Variants in VIT observed in about 807,000 individuals in gnomAD.
VIT encodes the protein vitrin.
Under a neutral mutation model 78.0 loss-of-function variants are expected in VIT, and 99 were observed. The observed-to-expected ratio is 1.27, with a 90% CI of 1.08 to 1.50. The LOEUF (loss-of-function observed/expected upper bound fraction) is 1.50, where lower values mean the gene tolerates loss of function less well. Ranked by LOEUF, VIT falls within the 40% of genes most tolerant of loss-of-function variation. The pLI is 0.00. For missense variants in VIT, 1,126 were observed against 875.3 expected, an observed-to-expected ratio of 1.29 and a Z score of -3.61; for synonymous variants, 374 against 334.3, an observed-to-expected ratio of 1.12 and a Z score of -1.29.
At chr2:36,721,427 CT>C (rs1666503387) in intron 2 of VIT, among the ~76,000 whole-genome samples, 2 of 152,102 alleles carry the variant, frequency 1.3e-5, no homozygotes, top group African/African-American at 4.8e-5. Flanking sequence ...GGGCCATTTG[CT>C]TAAGTCCCCC....
intron 6 of VIT, among the ~76,000 whole-genome samples, chr2:36,761,526 G>A (rs1021408870): frequency 6.6e-6 from 1 of 152,092 alleles, no homozygotes; most frequent in Non-Finnish European, 1.5e-5. Flanking sequence ...GGATCGCGAG[G>A]TCAGGAGATG....
intron 1 of VIT, among the ~76,000 whole-genome samples, chr2:36,704,701 T>C (rs1010651741): frequency 7.9e-5 from 12 of 152,122 alleles, no homozygotes; most frequent in African/African-American, 2.4e-4. Context: ...CACCCTCCGT[T>C]TTACCCAGGT....
intron 6 of VIT, 160 bp downstream of exon 6, chr2:36,759,206 G>C (rs957444918): frequency 4.5e-6 from 7 of 1,563,206 alleles, no homozygotes; most frequent in Non-Finnish European, 6.1e-6. Context: ...AAATCAATGA[G>C]ATCAGATGGC....
intron 6 of VIT, among the ~76,000 whole-genome samples, chr2:36,761,186 G>C (rs539933297): frequency 6.6e-6 from 1 of 152,306 alleles, no homozygotes; most frequent in South Asian, 2.1e-4. Flanking sequence ...TGCCCTCCTG[G>C]CAGGTCCCCA....
At chr2:36,806,925 A>C (rs1038181443) in intron 14 of VIT, among the ~76,000 whole-genome samples, 1 of 151,954 alleles carries the variant, frequency 6.6e-6, no homozygotes, top group Non-Finnish European at 1.5e-5. Context: ...TCTCCACCTG[A>C]TGTTCTACCA....
At chr2:36,810,336 C>G (rs1667066444) in intron 15 of VIT, among the ~76,000 whole-genome samples, 1 of 152,146 alleles carries the variant, frequency 6.6e-6, no homozygotes, top group Non-Finnish European at 1.5e-5. Flanking sequence ...ATAAAAATTT[C>G]TAAGAGGGCA....
intron 6 of VIT, among the ~76,000 whole-genome samples, chr2:36,764,882 AG>A (rs1237924928): frequency 3.9e-5 from 6 of 152,082 alleles, no homozygotes; most frequent in South Asian, 2.1e-4. Context: ...ACAATGTCAA[AG>A]GGGAAGGTGG....
intron 7 of VIT, among the ~76,000 whole-genome samples, chr2:36,773,146 T>C (rs1572513900): frequency 6.6e-6 from 1 of 152,232 alleles, no homozygotes; most frequent in Non-Finnish European, 1.5e-5. Flanking sequence ...AAGTGACACT[T>C]CTACTGAAGG....
intron 11 of VIT, among the ~76,000 whole-genome samples, chr2:36,786,735 G>A (rs1199138289): frequency 6.6e-6 from 1 of 152,182 alleles, no homozygotes; most frequent in Admixed American, 6.5e-5. Context: ...TTTCTAAAAA[G>A]TTAGGATGAG....
chr2:36,708,619 G>A (rs1665602727), intron 1 of VIT, among the ~76,000 whole-genome samples: 1 of 152,168 alleles, frequency 6.6e-6, no homozygotes, highest in Non-Finnish European at 1.5e-5. Context: ...CTGACAGTCT[G>A]ATTCCTCTCC....
chr2:36,792,110 G>A (rs1665543386), intron 12 of VIT, among the ~76,000 whole-genome samples: 1 of 152,282 alleles, frequency 6.6e-6, no homozygotes, highest in East Asian at 1.9e-4. Flanking sequence ...CCTGGGTCCT[G>A]CCTCAGACCT....
intron 15 of VIT, among the ~76,000 whole-genome samples, chr2:36,812,892 G>A (rs1238070927): frequency 3.8e-5 from 5 of 132,662 alleles, no homozygotes; most frequent in Middle Eastern, 3.6e-3. Context: ...ATGGAGTCTC[G>A]CTCTGTCACC....
At chr2:36,727,136 C>T (rs990889990) in intron 2 of VIT, among the ~76,000 whole-genome samples, 4 of 152,050 alleles carry the variant, frequency 2.6e-5, no homozygotes, top group Admixed American at 6.5e-5. Flanking sequence ...GCCAGGGAAC[C>T]CGGAGGGAAT....
chr2:36,743,517 T>A (rs1244201277), intron 4 of VIT, among the ~76,000 whole-genome samples: 1 of 152,242 alleles, frequency 6.6e-6, no homozygotes, highest in East Asian at 1.9e-4. Context: ...GTATTCATTT[T>A]TTATCTTTGC....
At chr2:36,701,102 C>CT (rs1286148709) in intron 1 of VIT, among the ~76,000 whole-genome samples, 4 of 47,714 alleles carry the variant, frequency 8.4e-5, no homozygotes, top group Non-Finnish European at 1.9e-4. Context: ...AGTGAAATTT[C>CT]TTTAAAAAAA....
At chr2:36,779,414 AT>A (rs1209482506) in intron 9 of VIT, among the ~76,000 whole-genome samples, 1 of 152,196 alleles carries the variant, frequency 6.6e-6, no homozygotes, top group Non-Finnish European at 1.5e-5. Context: ...TGGCTTCTAC[AT>A]TTTTACCCCA....
At chr2:36,785,314 T>A (rs1030768071) in intron 11 of VIT, among the ~76,000 whole-genome samples, 13 of 151,960 alleles carry the variant, frequency 8.6e-5, no homozygotes, top group African/African-American at 2.9e-4. Flanking sequence ...AGCCTGAGAG[T>A]CTAGCAAACT....
At chr2:36,774,600 G>C (rs980698608) in intron 8 of VIT, 2 of 985,320 alleles carry the variant, frequency 2.0e-6, no homozygotes, top group African/African-American at 3.5e-5. Context: ...TGTTTTGCTT[G>C]CTACTGGATA....
At chr2:36,728,508 ATAT>A (rs1666992025) in intron 2 of VIT, among the ~76,000 whole-genome samples, 1 of 152,148 alleles carries the variant, frequency 6.6e-6, no homozygotes, top group African/African-American at 2.4e-5. Context: ...GCTAAGATTA[ATAT>A]TATATTAAAG....
Sources: allele counts gnomAD v4.1 joint callset (sites outside exome capture counted in the v4.1 genomes callset), GRCh38; gene constraint gnomAD v4.1.1; transcripts MANE v1.5; gene names NCBI Gene and HGNC (gene_info 2026-07-23, HGNC 2026-07-21).